Variants in OR1B1 observed in about 807,000 individuals in gnomAD.
OR1B1 encodes olfactory receptor family 1 subfamily B member 1, also known as olfactory receptor 1B1.
For missense variants in OR1B1, 414 were observed against 402.1 expected (o/e 1.03, Z -0.25); for synonymous variants, 168 against 156.2 (o/e 1.08, Z -0.57).
chr9:122,640,678 T>C, the OR1B1 span, among the ~76,000 whole-genome samples: 13 of 152,198 alleles, frequency 8.5e-5, no homozygotes, highest in African/African-American at 2.9e-4. Context: ...TAAACAGTGC[T>C]TGGCAACTGG....
At chr9:122,632,783 G>T (rs934478877), upstream of OR1B1, among the ~76,000 whole-genome samples, 1 of 152,144 alleles carries the variant, frequency 6.6e-6, no homozygotes, top group African/African-American at 2.4e-5. Flanking sequence ...AAGGGGGTTT[G>T]TATTAGTTTG....
upstream of OR1B1, among the ~76,000 whole-genome samples, chr9:122,630,408 C>T (rs1463934258): frequency 6.6e-6 from 1 of 152,226 alleles, no homozygotes; most frequent in Non-Finnish European, 1.5e-5. Flanking sequence ...TCCTTAACGT[C>T]TATGTTTTCC....
the OR1B1 span, among the ~76,000 whole-genome samples, chr9:122,653,120 T>C: frequency 6.6e-6 from 1 of 152,234 alleles, no homozygotes; most frequent in Non-Finnish European, 1.5e-5. Flanking sequence ...AAGGGACACT[T>C]TCCTTGGAGA....
the OR1B1 span, among the ~76,000 whole-genome samples, chr9:122,634,793 T>C: frequency 4.7e-4 from 72 of 152,202 alleles, no homozygotes; most frequent in African/African-American, 1.7e-3. Context: ...TCACTAATCG[T>C]CAGGGAAATG....
the OR1B1 span, among the ~76,000 whole-genome samples, chr9:122,644,905 A>G: frequency 6.6e-6 from 1 of 152,170 alleles, no homozygotes; most frequent in Non-Finnish European, 1.5e-5. Context: ...ACAAGCATCA[A>G]CGTCATCCAA....
chr9:122,631,068 C>A (rs1466930518), upstream of OR1B1, among the ~76,000 whole-genome samples: 1 of 152,110 alleles, frequency 6.6e-6, no homozygotes. Flanking sequence ...CACACCCCTG[C>A]ACATCTTCCC....
At chr9:122,656,134 C>T in the OR1B1 span, among the ~76,000 whole-genome samples, 3 of 152,102 alleles carry the variant, frequency 2.0e-5, no homozygotes, top group Admixed American at 6.6e-5. Context: ...AGGTTGTATC[C>T]ATTTTTTGTT....
upstream of OR1B1, among the ~76,000 whole-genome samples, chr9:122,630,519 G>A (rs532689840): frequency 4.6e-5 from 7 of 152,140 alleles, no homozygotes; most frequent in African/African-American, 1.7e-4. Flanking sequence ...TTCTCTACTT[G>A]ACTCTCCTGA....
exon 1 of OR1B1, chr9:122,629,308 G>A: frequency 3.1e-6 from 5 of 1,614,002 alleles, no homozygotes; most frequent in Non-Finnish European, 4.2e-6. Flanking sequence ...GTGTAACTGT[G>A]GATAGCCCCA....
chr9:122,641,771 T>C, the OR1B1 span, among the ~76,000 whole-genome samples: 1 of 152,208 alleles, frequency 6.6e-6, no homozygotes, highest in Non-Finnish European at 1.5e-5. Flanking sequence ...AATATAAGTA[T>C]GTGAGATAAT....
exon 1 of OR1B1, chr9:122,629,403 C>G (rs758097670): frequency 6.2e-7 from 1 of 1,613,984 alleles, no homozygotes; most frequent in Admixed American, 1.7e-5. Context: ...ACCAGTGTCA[C>G]ATTCCCCAGT....
chr9:122,635,681 G>C, the OR1B1 span, among the ~76,000 whole-genome samples: 1 of 152,100 alleles, frequency 6.6e-6, no homozygotes, highest in East Asian at 1.9e-4. Flanking sequence ...AAGTATATGA[G>C]AAAATAGAGG....
the OR1B1 span, among the ~76,000 whole-genome samples, chr9:122,645,479 A>C: frequency 4.6e-5 from 7 of 152,156 alleles, no homozygotes; most frequent in Non-Finnish European, 1.5e-5. Flanking sequence ...GACTCCCCCA[A>C]GGCATTTAAT....
the OR1B1 span, among the ~76,000 whole-genome samples, chr9:122,638,224 A>C: frequency 6.6e-6 from 1 of 152,178 alleles, no homozygotes; most frequent in African/African-American, 2.4e-5. Flanking sequence ...GAAAAGAGGA[A>C]AGAGAAGCAG....
exon 1 of OR1B1, chr9:122,628,953 A>G: frequency 6.2e-7 from 1 of 1,614,172 alleles, no homozygotes; most frequent in South Asian, 1.1e-5. Context: ...ATGTCAGAAC[A>G]AGAGGCTCGC....
At chr9:122,654,418 C>A in the OR1B1 span, among the ~76,000 whole-genome samples, 4 of 152,216 alleles carry the variant, frequency 2.6e-5, no homozygotes, top group African/African-American at 9.7e-5. Context: ...CAGTGCTCTG[C>A]TGCATCAAGA....
At chr9:122,645,247 C>T in the OR1B1 span, among the ~76,000 whole-genome samples, 1 of 142,046 alleles carries the variant, frequency 7.0e-6, no homozygotes, top group Non-Finnish European at 1.5e-5. Flanking sequence ...TCAGAGGAGA[C>T]AAAAGAAAAA....
chr9:122,649,536 G>T, the OR1B1 span, among the ~76,000 whole-genome samples: 1 of 151,992 alleles, frequency 6.6e-6, no homozygotes, highest in Non-Finnish European at 1.5e-5. Flanking sequence ...AATCTACAAA[G>T]AACTTAAACA....
the OR1B1 span, among the ~76,000 whole-genome samples, chr9:122,657,373 C>G: frequency 6.6e-6 from 1 of 151,836 alleles, no homozygotes; most frequent in Admixed American, 6.5e-5. Flanking sequence ...CCCCAAGATA[C>G]TACAACTGGT....
Sources: allele counts gnomAD v4.1 joint callset (sites outside exome capture counted in the v4.1 genomes callset), GRCh38; gene constraint gnomAD v4.1.1; transcripts MANE v1.5; gene names NCBI Gene and HGNC (gene_info 2026-07-23, HGNC 2026-07-21).